Variants in KCNQ3 observed in about 807,000 individuals in gnomAD.
The protein encoded by KCNQ3 is potassium voltage-gated channel subfamily Q member 3, also known as potassium voltage-gated channel subfamily KQT member 3.
KCNQ3 carries 30 observed loss-of-function variants against 92.5 expected under a neutral mutation model. The observed-to-expected ratio is 0.32, with a 90% CI of 0.24 to 0.44. The LOEUF (loss-of-function observed/expected upper bound fraction) is 0.44, where lower values mean the gene tolerates loss of function less well. KCNQ3 is among the 20% of genes least tolerant of loss of function. The pLI, the probability that KCNQ3 is intolerant of heterozygous loss-of-function variation, is 1.00. For missense variants in KCNQ3, 913 were observed against 1,140.3 expected, an observed-to-expected ratio of 0.80 and a Z score of 2.87; for synonymous variants, 450 against 468.8, an observed-to-expected ratio of 0.96 and a Z score of 0.52.
intron 1 of KCNQ3, among the ~76,000 whole-genome samples, chr8:132,440,320 C>T (rs773686169): frequency 6.6e-6 from 1 of 152,152 alleles, no homozygotes; most frequent in African/African-American, 2.4e-5. Flanking sequence ...TGCACTTGCA[C>T]AGTCTTTCCA....
intron 8 of KCNQ3, among the ~76,000 whole-genome samples, chr8:132,168,174 C>T (rs1028424848): frequency 3.9e-5 from 6 of 152,196 alleles, no homozygotes; most frequent in African/African-American, 9.6e-5. Context: ...ACTCCCCCTT[C>T]GAACTGCTTT....
At chr8:132,289,882 T>C (rs928608821) in intron 1 of KCNQ3, among the ~76,000 whole-genome samples, 1 of 152,162 alleles carries the variant, frequency 6.6e-6, no homozygotes, top group Non-Finnish European at 1.5e-5. Flanking sequence ...TGTGACTGCA[T>C]CCTTGGTAGC....
intron 1 of KCNQ3, among the ~76,000 whole-genome samples, chr8:132,373,782 G>C (rs1401161729): frequency 2.0e-5 from 3 of 152,108 alleles, no homozygotes; most frequent in Non-Finnish European, 4.4e-5. Flanking sequence ...CGACTACAAG[G>C]AGACAGCTGC....
At chr8:132,315,746 A>G (rs1817725285) in intron 1 of KCNQ3, among the ~76,000 whole-genome samples, 1 of 152,162 alleles carries the variant, frequency 6.6e-6, no homozygotes. Context: ...TTTCTAATAA[A>G]TTAGCTAACT....
chr8:132,338,281 C>G (rs921156034), intron 1 of KCNQ3, among the ~76,000 whole-genome samples: 1 of 152,200 alleles, frequency 6.6e-6, no homozygotes, highest in African/African-American at 2.4e-5. Flanking sequence ...TGAAATTAAA[C>G]ACCCAGGTCT....
chr8:132,314,668 T>G (rs1032942881), intron 1 of KCNQ3, among the ~76,000 whole-genome samples: 7 of 152,174 alleles, frequency 4.6e-5, no homozygotes, highest in African/African-American at 1.4e-4. Context: ...AATATAAAAT[T>G]TAGTTTATGG....
chr8:132,262,142 T>C (rs1001488129), intron 1 of KCNQ3, among the ~76,000 whole-genome samples: 6 of 152,178 alleles, frequency 3.9e-5, no homozygotes, highest in African/African-American at 9.7e-5. Context: ...CCATATGATA[T>C]GATAGCATCT....
chr8:132,141,380 T>G (rs754623284), intron 9 of KCNQ3, 49 bp from the exon 10 acceptor site: 12 of 1,536,194 alleles, frequency 7.8e-6, no homozygotes, highest in Non-Finnish European at 1.1e-5. Flanking sequence ...GTGCAGGCTC[T>G]TAAAATTTCC....
chr8:132,196,829 C>T (rs1046234235), intron 1 of KCNQ3, among the ~76,000 whole-genome samples: 22 of 152,152 alleles, frequency 1.4e-4, no homozygotes, highest in African/African-American at 5.3e-4. Context: ...CTCAGCTTTG[C>T]CACTTAGCAC....
chr8:132,187,826 TGGTG>T (rs1827031863), intron 1 of KCNQ3, among the ~76,000 whole-genome samples: 2 of 143,004 alleles, frequency 1.4e-5, no homozygotes, highest in Non-Finnish European at 3.0e-5. Context: ...GTGGTGGTGG[TGGTG>T]ATTGTGGTGG....
At chr8:132,298,259 G>C (rs1407643317) in intron 1 of KCNQ3, among the ~76,000 whole-genome samples, 1 of 152,144 alleles carries the variant, frequency 6.6e-6, no homozygotes, top group East Asian at 1.9e-4. Flanking sequence ...TGCATTCATG[G>C]GGTATGAGAT....
chr8:132,250,312 A>T (rs1241725119), intron 1 of KCNQ3, among the ~76,000 whole-genome samples: 2 of 152,170 alleles, frequency 1.3e-5, no homozygotes, highest in African/African-American at 4.8e-5. Flanking sequence ...CAGATTCCTG[A>T]CAACATCACT....
chr8:132,464,146 G>A (rs1320749607), intron 1 of KCNQ3, among the ~76,000 whole-genome samples: 1 of 152,208 alleles, frequency 6.6e-6, no homozygotes, highest in African/African-American at 2.4e-5. Flanking sequence ...GAATAAGGAT[G>A]GAATGGCCAT....
chr8:132,243,202 G>T (rs993733096), intron 1 of KCNQ3, among the ~76,000 whole-genome samples: 22 of 152,216 alleles, frequency 1.4e-4, no homozygotes, highest in African/African-American at 5.3e-4. Context: ...TTCTACAGAT[G>T]AGCAACTGGA....
At chr8:132,353,300 A>AGAAGGGAAGGGAAAG (rs1563874979) in intron 1 of KCNQ3, among the ~76,000 whole-genome samples, 1 of 152,094 alleles carries the variant, frequency 6.6e-6, no homozygotes. Context: ...GAGGGTGGAA[A>AGAAGGGAAGGGAAAG]GAAGGGAAGG....
chr8:132,268,148 T>C (rs1401984876), intron 1 of KCNQ3, among the ~76,000 whole-genome samples: 1 of 152,262 alleles, frequency 6.6e-6, no homozygotes, highest in African/African-American at 2.4e-5. Context: ...CTCCATGTTC[T>C]ATCTCTTCTA....
chr8:132,167,130 T>C (rs1374985471), intron 8 of KCNQ3, among the ~76,000 whole-genome samples: 1 of 152,080 alleles, frequency 6.6e-6, no homozygotes, highest in African/African-American at 2.4e-5. Flanking sequence ...ACAACACAAA[T>C]GAAACTTGAA....
At chr8:132,296,163 G>A (rs559876937) in intron 1 of KCNQ3, among the ~76,000 whole-genome samples, 88 of 152,242 alleles carry the variant, frequency 5.8e-4, no homozygotes, top group African/African-American at 2.0e-3. Context: ...TGGCCATTGC[G>A]TACCATATTG....
At chr8:132,285,409 G>GC (rs959317101) in intron 1 of KCNQ3, among the ~76,000 whole-genome samples, 9 of 152,216 alleles carry the variant, frequency 5.9e-5, no homozygotes, top group African/African-American at 2.2e-4. Flanking sequence ...TTGTTGTATA[G>GC]CCACAAAGAA....
Sources: allele counts gnomAD v4.1 joint callset (sites outside exome capture counted in the v4.1 genomes callset), GRCh38; gene constraint gnomAD v4.1.1; transcripts MANE v1.5; gene names NCBI Gene and HGNC (gene_info 2026-07-23, HGNC 2026-07-21).